Variants in PCDH15 observed in about 807,000 individuals in gnomAD.
PCDH15 encodes the protein protocadherin-15.
A neutral mutation model predicts 178.5 loss-of-function variants in PCDH15; 129 were observed. The ratio of observed to expected loss-of-function variants is 0.72; its 90% CI spans 0.63 to 0.84. The LOEUF is 0.84. Ranked by LOEUF, PCDH15 falls within the 40% of genes least tolerant of loss-of-function variation. The probability of loss-of-function intolerance (pLI) is 0.00; values close to 1 mark genes in which losing one functional copy is unlikely to be tolerated. For missense variants in PCDH15, 2,230 were observed against 2,099.9 expected, an observed-to-expected ratio of 1.06 and a Z score of -1.21; for synonymous variants, 800 against 732.0, an observed-to-expected ratio of 1.09 and a Z score of -1.50.
chr10:54,829,639 A>G (rs929424490), intron 3 of PCDH15, among the ~76,000 whole-genome samples: 2 of 151,980 alleles, frequency 1.3e-5, no homozygotes, highest in African/African-American at 4.8e-5. Context: ...TTGAGTACTC[A>G]CTCTGTGTTT....
intron 9 of PCDH15, among the ~76,000 whole-genome samples, chr10:54,222,996 G>C (rs1406043634): frequency 6.6e-6 from 1 of 151,970 alleles, no homozygotes; most frequent in East Asian, 1.9e-4. Context: ...TTCTTTTATA[G>C]ATTTGCATTT....
intron 8 of PCDH15, 132 bp downstream of exon 8, chr10:54,317,139 G>T: frequency 1.1e-6 from 1 of 912,524 alleles, no homozygotes; most frequent in Non-Finnish European, 1.7e-6. Flanking sequence ...AATAGTTTCG[G>T]ACATAAATAT....
chr10:55,289,386 G>T (rs893656831), intron 1 of PCDH15, among the ~76,000 whole-genome samples: 1 of 149,144 alleles, frequency 6.7e-6, no homozygotes, highest in African/African-American at 2.5e-5. Context: ...AAAGAAAGAA[G>T]GAGACAGAAA....
chr10:55,087,820 G>GA lies in PCDH15; in HGVS notation c.-80+78755dup, dbSNP rs758258427. Reference sequence around the variant, plus strand: ...GTCCAGAAACACTTTATAGTTGCAGGAAAAAAATAACAAATTCATAGTGTA... The same window carrying GA: ...GTCCAGAAACACTTTATAGTTGCAGGAAAAAAAATAACAAATTCATAGTGTA... On this transcript the variant is annotated intron_variant, in intron 2 of 5. Coordinates refer to the PCDH15 transcript ENST00000458638. 2.6e-4 allele frequency among the ~76,000 whole-genome samples: 40 copies of GA among 151,862 alleles called. 1 individual carries two copies. Among genetic ancestry groups the GA allele is most frequent in the African/African-American group, 8.9e-4 (37 of 41,466 alleles).
chr10:55,448,746 G>A (rs751665425), intron 2 of PCDH15, among the ~76,000 whole-genome samples: 1 of 151,996 alleles, frequency 6.6e-6, no homozygotes, highest in Non-Finnish European at 1.5e-5. Context: ...AGTTGGAAAA[G>A]TAATTTATAA....
chr10:55,538,404 T>TCCTTCCTCCCTCCCTC (rs1841638666), intron 2 of PCDH15, among the ~76,000 whole-genome samples: 1 of 144,076 alleles, frequency 6.9e-6, no homozygotes, highest in Non-Finnish European at 1.5e-5. Context: ...CTTTCTTCCT[T>TCCTTCCTCCCTCCCTC]CCTTCCTTCC....
chr10:55,457,656 C>A (rs911242492), intron 2 of PCDH15, among the ~76,000 whole-genome samples: 1 of 151,954 alleles, frequency 6.6e-6, no homozygotes, highest in African/African-American at 2.4e-5. Flanking sequence ...GGGTGGATGA[C>A]CTGGTACCAA....
intron 1 of PCDH15, among the ~76,000 whole-genome samples, chr10:54,733,667 T>C (rs1237113482): frequency 1.3e-5 from 2 of 151,652 alleles, no homozygotes; most frequent in Admixed American, 1.3e-4. Flanking sequence ...AAGAATTTAT[T>C]TCAAGATCTC....
At chr10:53,905,385 G>A in intron 25 of PCDH15, 2 of 409,102 alleles carry the variant, frequency 4.9e-6, no homozygotes, top group South Asian at 3.8e-5. Flanking sequence ...CCAGGCTGGA[G>A]TGCAGTGGCA....
intron 26 of PCDH15, among the ~76,000 whole-genome samples, chr10:53,867,414 T>G (rs1474823226): frequency 6.6e-6 from 1 of 152,120 alleles, no homozygotes; most frequent in Non-Finnish European, 1.5e-5. Context: ...AAGTGATAAC[T>G]GTTTGAGATG....
At position 54,820,187 on chromosome 10, in the gene PCDH15, C is replaced by T. The variant is rs111856033; in HGVS notation, c.-29+77263G>A. ...CCATCTGATGGAATGAGATGTGTAA[C>T]AATCCAATGGAGATGTGTAACTACC... On this transcript the variant is annotated intron_variant, in intron 3 of 5. Coordinates refer to the PCDH15 transcript ENST00000458638. Among the ~76,000 whole-genome samples, 291 of 152,096 alleles carry T rather than the reference C, an allele frequency of 1.9e-3. 6 individuals are homozygous for T. The highest frequency in any genetic ancestry group is 1.9e-3 in the Non-Finnish European group (126 of 67,950).
At chr10:54,606,958 C>T (rs1475569428) in intron 2 of PCDH15, 2 of 151,866 alleles carry the variant, frequency 1.3e-5, no homozygotes, top group East Asian at 1.9e-4. Flanking sequence ...TGAAGAATTC[C>T]CTAGAGTCAT....
chr10:55,050,256 A>G (rs1841125061), intron 2 of PCDH15, among the ~76,000 whole-genome samples: 1 of 151,998 alleles, frequency 6.6e-6, no homozygotes, highest in African/African-American at 2.4e-5. Context: ...CTTGCAAGCT[A>G]TGAGATTTTG....
intron 3 of PCDH15, among the ~76,000 whole-genome samples, chr10:54,518,841 C>T (rs2082516696): frequency 6.6e-6 from 1 of 152,142 alleles, no homozygotes; most frequent in Non-Finnish European, 1.5e-5. Context: ...AATCCAGCAG[C>T]ACATCAAAAA....
chr10:55,058,124 A>G (rs1391202427), intron 2 of PCDH15, among the ~76,000 whole-genome samples: 1 of 152,216 alleles, frequency 6.6e-6, no homozygotes, highest in Admixed American at 6.6e-5. Context: ...TAAAAATTAC[A>G]TATTCATTCA....
At chr10:55,501,543 G>T (rs2132139810) in intron 2 of PCDH15, among the ~76,000 whole-genome samples, 1 of 151,782 alleles carries the variant, frequency 6.6e-6, no homozygotes, top group East Asian at 1.9e-4. Flanking sequence ...TGCAAGCCAA[G>T]AAATGAGATA....
At chr10:54,591,558 A>T (rs1565684050) in intron 2 of PCDH15, among the ~76,000 whole-genome samples, 1 of 152,292 alleles carries the variant, frequency 6.6e-6, no homozygotes, top group Non-Finnish European at 1.5e-5. Flanking sequence ...TTAGAGAAGT[A>T]TAAGATATTA....
At chr10:53,862,120 C>T (rs145221810) in intron 27 of PCDH15, among the ~76,000 whole-genome samples, 38 of 151,970 alleles carry the variant, frequency 2.5e-4, no homozygotes, top group African/African-American at 8.4e-4. Flanking sequence ...GGCGTGATCT[C>T]AGCTCACAGA....
At chr10:54,214,819 G>T (rs7910568) in intron 9 of PCDH15, among the ~76,000 whole-genome samples, 22,185 of 152,104 alleles carry the variant, frequency 0.15, 3,219 homozygotes, top group African/African-American at 0.38. Flanking sequence ...TTGAACTCCC[G>T]ACATCTGGTG....
Sources: gnomAD v4.1 joint callset for allele counts (sites outside exome capture counted in the v4.1 genomes callset) on GRCh38, gnomAD v4.1.1 for gene constraint, MANE v1.5 for transcripts, NCBI Gene and HGNC (gene_info 2026-07-23, HGNC 2026-07-21) for gene names.